ADAM7: variants seen among roughly 807,000 people sequenced by gnomAD.
ADAM7 encodes the protein ADAM metallopeptidase domain 7.
ADAM7 carries 97 observed loss-of-function variants against 102.9 expected under a neutral mutation model. The ratio of observed to expected loss-of-function variants is 0.94; its 90% CI spans 0.80 to 1.12. The LOEUF (loss-of-function observed/expected upper bound fraction) is 1.12, where lower values mean the gene tolerates loss of function less well. ADAM7 is among the 50% of genes most tolerant of loss of function. The pLI, the probability that ADAM7 is intolerant of heterozygous loss-of-function variation, is 0.00. For missense variants in ADAM7, 991 were observed against 908.7 expected, an observed-to-expected ratio of 1.09 and a Z score of -1.16; for synonymous variants, 334 against 304.4, an observed-to-expected ratio of 1.10 and a Z score of -1.01.
intron 8 of ADAM7, among the ~76,000 whole-genome samples, chr8:24,477,480 C>T (rs149022467): frequency 2.0e-5 from 3 of 151,942 alleles, no homozygotes; most frequent in Non-Finnish European, 4.4e-5. Flanking sequence ...CAACCTAACA[C>T]TACTTTATTT....
At position 24,482,283 on chromosome 8, in the gene ADAM7, A is replaced by T; in HGVS notation, c.847A>T (p.Lys283Ter). Residue 283 changes from lysine (K) to a stop codon, truncating the protein, a stop_gained, in exon 9 of 22, where the codon AAG (lysine) becomes TAG (stop). Transcript: ENST00000175238. LOFTEE classifies it high-confidence loss of function. ...GCAAGAAAAGATCCTTAAAACACGGAAGGATTTTGATCATGTTGTATTACT... is the reference window on the plus strand; with the variant it reads ...GCAAGAAAAGATCCTTAAAACACGGTAGGATTTTGATCATGTTGTATTACT... ...FWQEKILKTR[K>*]DFDHVVLLSG... 1 of 1,611,434 alleles carries T rather than the reference A, an allele frequency of 6.2e-7. No homozygotes were observed. Among genetic ancestry groups the T allele is most frequent in the South Asian group, 1.1e-5 (1 of 90,130 alleles).
chr8:24,473,976 A>G (rs1192188884), intron 7 of ADAM7, among the ~76,000 whole-genome samples: 2 of 152,166 alleles, frequency 1.3e-5, no homozygotes, highest in Non-Finnish European at 2.9e-5. Context: ...GGAAGAAAAT[A>G]AAGTATATTT....
chr8:24,506,894 G>A (rs1255339274), intron 20 of ADAM7, among the ~76,000 whole-genome samples: 3 of 152,076 alleles, frequency 2.0e-5, no homozygotes, highest in Non-Finnish European at 2.9e-5. Flanking sequence ...CTCAGAACTG[G>A]GCGCTGAATA....
Position 24,508,212 on chromosome 8 carries a change from C to T in ADAM7, c.*-334C>T, listed in dbSNP as rs528315834. 5.3e-5 allele frequency among the ~76,000 whole-genome samples: 8 copies of T among 152,242 alleles called. No homozygotes were observed. The South Asian group carries it at 1.0e-3, about 20-fold the overall frequency. On this transcript the variant is annotated intron_variant, in intron 21 of 21. Transcript: ENST00000175238. ...AATAAGATACACCGCCCACCTCCAC[C>T]GAAAAGCAGGGCATTTTCTAATGAT...
In ADAM7 at chr8:24,492,605, C is replaced by T. The variant is rs1232251486; in HGVS notation, c.1655+8C>T. 1 of 1,602,798 alleles carries T rather than the reference C, an allele frequency of 6.2e-7. No homozygotes were observed. Among genetic ancestry groups the T allele is most frequent in the South Asian group, 1.1e-5 (1 of 89,866 alleles). On this transcript the variant is annotated splice_region_variant and intron_variant, in intron 15 of 21. Transcript: ENST00000175238. The stretch of plus-strand genomic sequence containing the variant: ...TCTTCCCTGTGAGGAGAAGTAAGTG[C>T]CCTGTGGAAAAAAAGTAATTTGCCT...
Position 24,500,173 on chromosome 8 carries a change from T to C in ADAM7, c.1924-5T>C, listed in dbSNP as rs774895669. ...TTGAGAATATATCATTGACTGCTCT[T>C]CCAGGTGGATGGCCACGGACTCCAG... On this transcript the variant is annotated splice_region_variant and splice_polypyrimidine_tract_variant and intron_variant, in intron 17 of 21. Coordinates refer to ENST00000175238, the MANE Select transcript of ADAM7 (RefSeq NM_003817.4). The C allele has an allele frequency of 6.2e-7, 1 of 1,609,280 alleles. No homozygotes were observed. Among genetic ancestry groups the C allele is most frequent in the Non-Finnish European group, 8.5e-7 (1 of 1,176,952 alleles).
chr8:24,458,877 A>C lies in ADAM7; in HGVS notation c.234-5005A>C, dbSNP rs368779578. Among the ~76,000 whole-genome samples, 123 of 152,046 alleles carry C rather than the reference A, an allele frequency of 8.1e-4. No homozygotes were observed. The South Asian group carries it at 0.023, about 29-fold the overall frequency. On this transcript the variant is annotated intron_variant, in intron 3 of 21. Coordinates refer to ENST00000175238, the MANE Select transcript of ADAM7 (RefSeq NM_003817.4). The stretch of plus-strand genomic sequence containing the variant: ...TTGAAATGTCGATATGGCAGTGTAC[A>C]CTGATTTTTGTTCATTATACCTTAT...
chr8:24,495,245 C>G (rs575209538), intron 16 of ADAM7, among the ~76,000 whole-genome samples: 1 of 152,240 alleles, frequency 6.6e-6, no homozygotes, highest in African/African-American at 2.4e-5. Context: ...ACTCTTCAAA[C>G]AAAGAACCAG....
At position 24,498,226 on chromosome 8, in the gene ADAM7, T is replaced by A. The variant is rs368178485; in HGVS notation, c.1843-1010T>A. 2.6e-4 allele frequency among the ~76,000 whole-genome samples: 39 copies of A among 151,756 alleles called. 1 individual carries two copies. In the East Asian group the frequency reaches 5.6e-3, roughly 22 times the overall value. On this transcript the variant is annotated intron_variant, in intron 16 of 21. Coordinates refer to ENST00000175238, the MANE Select transcript of ADAM7 (RefSeq NM_003817.4). ...ATTTTTATTACAATGATGTAAAAAA[T>A]CTCAGGAATAATAAATAATTTTGAC...
intron 14 of ADAM7, 78 bp from the exon 15 acceptor site, chr8:24,492,417 C>T: frequency 2.8e-6 from 3 of 1,052,716 alleles, no homozygotes; most frequent in East Asian, 2.4e-5. Flanking sequence ...AGTTTAATTA[C>T]ATTAGAAAAA....
At chr8:24,476,667 A>G (rs1449598380) in intron 8 of ADAM7, among the ~76,000 whole-genome samples, 163 bp downstream of exon 8, 1 of 152,178 alleles carries the variant, frequency 6.6e-6, no homozygotes, top group Non-Finnish European at 1.5e-5. Context: ...ACAACAAACC[A>G]CAGCTCTGAA....
chr8:24,464,254 A>G (rs1342471867), intron 4 of ADAM7, among the ~76,000 whole-genome samples: 1 of 152,184 alleles, frequency 6.6e-6, no homozygotes, highest in Non-Finnish European at 1.5e-5. Flanking sequence ...CAGGACACCA[A>G]AAATATAAGG....
intron 8 of ADAM7, among the ~76,000 whole-genome samples, chr8:24,481,356 G>A (rs538913925): frequency 2.6e-5 from 4 of 152,108 alleles, no homozygotes; most frequent in Non-Finnish European, 5.9e-5. Flanking sequence ...TAGTTACATT[G>A]CCTAGTAACA....
chr8:24,469,564 G>A (rs1053462938), intron 7 of ADAM7, among the ~76,000 whole-genome samples: 15 of 151,964 alleles, frequency 9.9e-5, no homozygotes, highest in Non-Finnish European at 1.9e-4. Flanking sequence ...GCCCTAAAGT[G>A]ACTCTTCAAT....
At position 24,493,028 on chromosome 8, in the gene ADAM7, C is replaced by T. The variant is rs766889387; in HGVS notation, c.1656-15C>T. 8.4e-6 allele frequency: 13 copies of T among 1,552,430 alleles called. 1 individual carries two copies. In the South Asian group the frequency reaches 1.6e-4, roughly 19 times the overall value. On this transcript the variant is annotated splice_polypyrimidine_tract_variant and intron_variant, in intron 15 of 21. Coordinates refer to ENST00000175238, the MANE Select transcript of ADAM7 (RefSeq NM_003817.4). ...ATTTCTAGTTCCAAGTTTGAATATT[C>T]TGCCTTTCCTTCAGAGATGTCAGAT...
intron 8 of ADAM7, among the ~76,000 whole-genome samples, chr8:24,476,756 C>T (rs12549198): frequency 0.07 from 10,633 of 152,038 alleles, 464 homozygotes; most frequent in Admixed American, 0.11. Flanking sequence ...AATTTATGAA[C>T]CAATGTACAA....
At position 24,467,180 on chromosome 8, in the gene ADAM7, A is replaced by G. The variant is rs918175439; in HGVS notation, c.579+192A>G. On this transcript the variant is annotated intron_variant, in intron 6 of 21. Transcript: ENST00000175238. Reference sequence around the variant, plus strand: ...GTGTTTATTTCATAGAGTTTGTTTAATCAGTTTCAAGAAAGGATGATTCTA... The same window carrying G: ...GTGTTTATTTCATAGAGTTTGTTTAGTCAGTTTCAAGAAAGGATGATTCTA... 20 of 608,406 alleles carry G rather than the reference A, an allele frequency of 3.3e-5. No individual in the cohort carries two copies. In the African/African-American group the frequency reaches 3.7e-4, roughly 11 times the overall value. The allele number at this position is 608,406 out of a possible 1,614,324, so 37.7% of individuals were successfully genotyped here.
intron 7 of ADAM7, among the ~76,000 whole-genome samples, chr8:24,472,827 T>C (rs1453246530): frequency 5.3e-5 from 8 of 152,040 alleles, no homozygotes; most frequent in Non-Finnish European, 1.0e-4. Flanking sequence ...CAAGTACTAA[T>C]TCTTTGAAAA....
chr8:24,453,052 A>G (rs925970780), intron 3 of ADAM7, among the ~76,000 whole-genome samples: 1 of 151,456 alleles, frequency 6.6e-6, no homozygotes, highest in African/African-American at 2.4e-5. Flanking sequence ...CTTTGAGGGT[A>G]ACCCGACCTT....
Sources: allele counts gnomAD v4.1 joint callset (sites outside exome capture counted in the v4.1 genomes callset), GRCh38; gene constraint gnomAD v4.1.1; transcripts MANE v1.5; gene names NCBI Gene and HGNC (gene_info 2026-07-23, HGNC 2026-07-21).